Variants in ZNF518A observed in about 807,000 individuals in gnomAD.
ZNF518A encodes the protein zinc finger protein 518.
Under a neutral mutation model 102.7 loss-of-function variants are expected in ZNF518A, and 47 were observed. The observed-to-expected ratio is 0.46, with a 90% CI of 0.36 to 0.58. The LOEUF (loss-of-function observed/expected upper bound fraction) is 0.58. ZNF518A is among the 20% of genes least tolerant of loss of function. The pLI, the probability that ZNF518A is intolerant of heterozygous loss-of-function variation, is 0.00. For synonymous variants in ZNF518A, 652 were observed against 594.6 expected (o/e 1.10, Z -1.40); for missense variants, 1,793 against 1,699.8 (o/e 1.05, Z -0.96).
intron 3 of ZNF518A, among the ~76,000 whole-genome samples, chr10:96,137,754 C>T (rs2081679654): frequency 6.6e-6 from 1 of 152,194 alleles, no homozygotes; most frequent in Admixed American, 6.5e-5. Flanking sequence ...TGATTTCATC[C>T]TGCTCCAAGT....
intron 3 of ZNF518A, among the ~76,000 whole-genome samples, chr10:96,144,110 C>T (rs587732006): frequency 3.0e-4 from 46 of 152,144 alleles, no homozygotes; most frequent in African/African-American, 9.4e-4. Context: ...CTCAGCCTCC[C>T]GAGTAGCTGG....
In ZNF518A at chr10:96,160,829, G is replaced by A. The variant is rs752662642; in HGVS notation, c.*55G>A. ...TAAAATTACCTTAGAAGAAAACAACGGGTTCAGTTACCATAATGCAGACAT... is the reference window on the plus strand; with the variant it reads ...TAAAATTACCTTAGAAGAAAACAACAGGTTCAGTTACCATAATGCAGACAT... On this transcript the variant is annotated 3_prime_UTR_variant, in exon 6 of 6. Coordinates refer to ENST00000316045, the MANE Select transcript of ZNF518A (RefSeq NM_001330736.2). 3.2e-5 allele frequency: 46 copies of A among 1,449,048 alleles called. No individual in the cohort carries two copies. Among genetic ancestry groups the A allele is most frequent in the Middle Eastern group, 3.6e-4 (2 of 5,512 alleles). The allele number at this position is 1,449,048 out of a possible 1,614,324, so 89.8% of individuals were successfully genotyped here.
At chr10:96,201,456 G>A (rs903378134) in intron 1 of ZNF518A, among the ~76,000 whole-genome samples, 12 of 152,040 alleles carry the variant, frequency 7.9e-5, no homozygotes, top group African/African-American at 2.9e-4. Context: ...GGAAAATATA[G>A]TTATTTTTCA....
At chr10:96,189,600 T>C in intron 1 of ZNF518A, 1 of 691,974 alleles carries the variant, frequency 1.4e-6, no homozygotes, top group Non-Finnish European at 2.7e-6. Context: ...TGATGATGGG[T>C]TTGAGTGTTT....
rs367929342 is a variant in ZNF518A at position 96,190,322 on chromosome 10, T to C, written n.36-13252T>C. The C allele has an allele frequency of 5.2e-6, 3 of 582,458 alleles. No individual in the cohort carries two copies. In the African/African-American group the frequency reaches 5.6e-5, roughly 11 times the overall value. The allele number at this position is 582,458 out of a possible 1,614,324, so 36.1% of individuals were successfully genotyped here. ...GGATGGAATCACGCCAGTAGTATTG[T>C]TCCTGTGTGTCTCTTCATATAGTCT... On this transcript the variant is annotated intron_variant and non_coding_transcript_variant, in intron 1 of 2. Coordinates refer to the ZNF518A transcript ENST00000442635.
At chr10:96,176,920 A>G (rs587642924) in intron 1 of ZNF518A, among the ~76,000 whole-genome samples, 1 of 152,132 alleles carries the variant, frequency 6.6e-6, no homozygotes, top group East Asian at 1.9e-4. Context: ...AAAAAGCAAT[A>G]AAAACAACTT....
At chr10:96,137,904 G>A (rs1250889411) in intron 3 of ZNF518A, among the ~76,000 whole-genome samples, 2 of 151,786 alleles carry the variant, frequency 1.3e-5, no homozygotes, top group South Asian at 2.1e-4. Context: ...GATATTACAT[G>A]CCTAAAATGG....
intron 3 of ZNF518A, among the ~76,000 whole-genome samples, chr10:96,151,095 A>G (rs1181419992): frequency 1.3e-5 from 2 of 152,080 alleles, no homozygotes; most frequent in Non-Finnish European, 2.9e-5. Context: ...GGATGGGAGA[A>G]CAGGGGAGAG....
At chr10:96,186,670 A>G (rs1263668191) in intron 1 of ZNF518A, among the ~76,000 whole-genome samples, 3 of 152,234 alleles carry the variant, frequency 2.0e-5, no homozygotes. Context: ...TGCTGGGATT[A>G]CAGGTGTGAG....
At chr10:96,199,455 G>A (rs587656948) in intron 1 of ZNF518A, 22 of 457,022 alleles carry the variant, frequency 4.8e-5, no homozygotes, top group Admixed American at 4.7e-4. Flanking sequence ...TGGAGCTCAT[G>A]CAGCACCAAG....
At position 96,149,732 on chromosome 10, in the gene ZNF518A, G is replaced by A. The variant is rs587721911; in HGVS notation, c.-301-5594G>A. ...TGCTCCCTCTTCTGTTTTCCATTGT[G>A]AATTCTGCTGTAAGGGATTCTAAAT... On this transcript the variant is annotated intron_variant, in intron 3 of 5. Coordinates refer to ENST00000316045, the MANE Select transcript of ZNF518A (RefSeq NM_001330736.2). 2.0e-5 allele frequency among the ~76,000 whole-genome samples: 3 copies of A among 152,204 alleles called. No individual in the cohort carries two copies. In the South Asian group the frequency reaches 6.2e-4, roughly 32 times the overall value.
intron 1 of ZNF518A, among the ~76,000 whole-genome samples, chr10:96,173,606 T>A (rs184830889): frequency 2.5e-4 from 38 of 152,158 alleles, no homozygotes; most frequent in African/African-American, 6.0e-4. Context: ...ATGCACCTAA[T>A]AACAGAACCA....
chr10:96,145,505 G>A (rs2082130742), intron 3 of ZNF518A, among the ~76,000 whole-genome samples: 1 of 152,146 alleles, frequency 6.6e-6, no homozygotes, highest in Non-Finnish European at 1.5e-5. Flanking sequence ...TTCTCTTATA[G>A]CATGAATTTA....
At chr10:96,194,612 T>C (rs1190692741) in intron 1 of ZNF518A, among the ~76,000 whole-genome samples, 9 of 152,196 alleles carry the variant, frequency 5.9e-5, no homozygotes, top group Admixed American at 3.3e-4. Flanking sequence ...AAGGGGTTAA[T>C]ATCCAGAAAC....
At position 96,161,566 on chromosome 10, in the gene ZNF518A, T is replaced by C. The variant is rs782687007; in HGVS notation, c.*792T>C. 59 of 166,834 alleles carry C rather than the reference T, an allele frequency of 3.5e-4. No homozygotes were observed. The highest frequency in any genetic ancestry group is 1.3e-3 in the African/African-American group (53 of 41,580). 10.3% of individuals were successfully genotyped at this position (166,834 alleles called of 1,614,324 possible). A position where few individuals can be genotyped will look rare whatever the true frequency, so the allele number is the denominator to read the frequency against. On this transcript the variant is annotated 3_prime_UTR_variant, in exon 6 of 6. Coordinates refer to ENST00000316045, the MANE Select transcript of ZNF518A (RefSeq NM_001330736.2). Reference sequence around the variant, plus strand: ...TAAATTTGATTATATTCTCTGATGATCCCTTTGCACAGAACTATGCTTATC... The same window carrying C: ...TAAATTTGATTATATTCTCTGATGACCCCTTTGCACAGAACTATGCTTATC...
At chr10:96,164,342 T>C (rs1554889579), downstream of ZNF518A, among the ~76,000 whole-genome samples, 1 of 152,240 alleles carries the variant, frequency 6.6e-6, no homozygotes, top group Admixed American at 6.5e-5. Flanking sequence ...CCTTAGCAAC[T>C]TGTTAGGATC....
chr10:96,168,202 T>C (rs10882731), downstream of ZNF518A, among the ~76,000 whole-genome samples: 46,589 of 152,136 alleles, frequency 0.31, 8,252 homozygotes, highest in East Asian at 0.67. Context: ...GTTGGAGTCA[T>C]GAGTGAGAGG....
intron 3 of ZNF518A, among the ~76,000 whole-genome samples, chr10:96,148,470 A>T (rs986650065): frequency 6.6e-6 from 1 of 152,220 alleles, no homozygotes; most frequent in Non-Finnish European, 1.5e-5. Context: ...CTTAGTACAT[A>T]GTCTCAGTTT....
chr10:96,142,628 G>T (rs781909359), intron 3 of ZNF518A, among the ~76,000 whole-genome samples: 1 of 151,922 alleles, frequency 6.6e-6, no homozygotes, highest in African/African-American at 2.4e-5. Flanking sequence ...TTAAGTAGCA[G>T]ATAGATTCTT....
Sources: gnomAD v4.1 joint callset for allele counts (sites outside exome capture counted in the v4.1 genomes callset) on GRCh38, gnomAD v4.1.1 for gene constraint, MANE v1.5 for transcripts, NCBI Gene and HGNC (gene_info 2026-07-23, HGNC 2026-07-21) for gene names.